Variants in PXT1 observed in about 807,000 individuals in gnomAD.
PXT1 encodes the protein peroxisomal testis enriched protein 1, also known as peroxisomal testis-specific protein 1.
Under a neutral mutation model 11.0 loss-of-function variants are expected in PXT1, and 11 were observed. The ratio of observed to expected loss-of-function variants is 1.00; its 90% CI spans 0.63 to 1.66. The LOEUF is 1.66. Ranked by LOEUF, PXT1 falls within the 40% of genes most tolerant of loss-of-function variation. PXT1 has a pLI of 0.00. For missense variants in PXT1, 141 were observed against 155.5 expected (o/e 0.91, Z 0.49); for synonymous variants, 43 against 51.4 (o/e 0.84, Z 0.70).
chr6:36,427,703 ATTAAT>A (rs1237466850), intron 2 of PXT1, among the ~76,000 whole-genome samples: 2 of 152,158 alleles, frequency 1.3e-5, no homozygotes, highest in African/African-American at 2.4e-5. Context: ...TTACATTCTT[ATTAAT>A]TTAAGTCAAG....
In PXT1 at chr6:36,391,762, C is replaced by T. The variant is rs1184903421; in HGVS notation, c.*8G>A. 2 of 1,592,076 alleles carry T rather than the reference C, an allele frequency of 1.3e-6. No homozygotes were observed. The highest frequency in any genetic ancestry group is 1.7e-6 in the Non-Finnish European group (2 of 1,160,252). ...ACAGAACTTGACCACTTGACCTTTA[C>T]TTTCCTTTTACAGCAAATGGTTGTT... On this transcript the variant is annotated 3_prime_UTR_variant, in exon 5 of 5. Coordinates refer to ENST00000454782, the MANE Select transcript of PXT1 (RefSeq NM_152990.4).
chr6:36,417,462 A>G (rs1175770571), intron 3 of PXT1, among the ~76,000 whole-genome samples: 1 of 151,982 alleles, frequency 6.6e-6, no homozygotes, highest in Non-Finnish European at 1.5e-5. Context: ...ATTAACCAAG[A>G]GATAGCAGCA....
At chr6:36,421,848 T>A (rs1774528901) in intron 3 of PXT1, among the ~76,000 whole-genome samples, 1 of 152,204 alleles carries the variant, frequency 6.6e-6, no homozygotes, top group Non-Finnish European at 1.5e-5. Context: ...TCCTTACTCT[T>A]CTTTTAGAAC....
intron 2 of PXT1, among the ~76,000 whole-genome samples, chr6:36,426,525 C>G (rs905064840): frequency 2.0e-5 from 3 of 151,934 alleles, no homozygotes; most frequent in Non-Finnish European, 4.4e-5. Flanking sequence ...CATGCGCCAC[C>G]ACGCCTGGCT....
Position 36,442,811 on chromosome 6 carries a change from A to C in PXT1, c.-406T>G, listed in dbSNP as rs996288782. 3.9e-5 allele frequency: 6 copies of C among 152,244 alleles called. No homozygotes were observed. Among genetic ancestry groups the C allele is most frequent in the Non-Finnish European group, 7.3e-5 (5 of 68,056 alleles). The allele number at this position is 152,244 out of a possible 1,614,324, so 9.4% of individuals were successfully genotyped here. A position where few individuals can be genotyped will look rare whatever the true frequency, so the allele number is the denominator to read the frequency against. On this transcript the variant is annotated 5_prime_UTR_variant, in exon 1 of 5. Coordinates refer to ENST00000454782, the MANE Select transcript of PXT1 (RefSeq NM_152990.4). Reference sequence around the variant, plus strand: ...CTTTAATAATTGAGAGGGTATGCGCAACTCAGAAAAGTGCGCCCGCTGAGG... The same window carrying C: ...CTTTAATAATTGAGAGGGTATGCGCCACTCAGAAAAGTGCGCCCGCTGAGG...
chr6:36,391,938 C>A, intron 4 of PXT1, 64 bp from the exon 5 acceptor site: 2 of 1,029,628 alleles, frequency 1.9e-6, no homozygotes, highest in African/African-American at 1.6e-5. Context: ...ATAGAATAAT[C>A]CAAAGTTAAA....
intron 2 of PXT1, among the ~76,000 whole-genome samples, chr6:36,429,574 C>T (rs1431134732): frequency 5.1e-5 from 7 of 136,460 alleles, no homozygotes; most frequent in Non-Finnish European, 9.1e-5. Context: ...GGTGCAATCT[C>T]GGTTCACTGC....
chr6:36,393,725 CAA>C (rs33980831), intron 4 of PXT1, among the ~76,000 whole-genome samples: 2 of 142,540 alleles, frequency 1.4e-5, no homozygotes, highest in Non-Finnish European at 1.5e-5. Context: ...GACTATGCCT[CAA>C]AAAAAAAAAA....
rs2127408688 is a variant in PXT1, at chr6:36,392,238, T to C, written c.301-364A>G. On this transcript the variant is annotated intron_variant, in intron 4 of 4. Coordinates refer to ENST00000454782, the MANE Select transcript of PXT1 (RefSeq NM_152990.4). Reference sequence around the variant, plus strand: ...GCAGACAGGGTCTCACTATGTTGCCTTGGCTGGTCTCAACAAACTGGGGCT... The same window carrying C: ...GCAGACAGGGTCTCACTATGTTGCCCTGGCTGGTCTCAACAAACTGGGGCT... Among the ~76,000 whole-genome samples the C allele has an allele frequency of 1.3e-5, 2 of 152,308 alleles. 1 individual carries two copies. The highest frequency in any genetic ancestry group is 6.8e-3 in the Middle Eastern group (2 of 294).
chr6:36,396,769 G>A (rs967191365), intron 4 of PXT1, among the ~76,000 whole-genome samples: 13 of 152,228 alleles, frequency 8.5e-5, no homozygotes, highest in African/African-American at 3.1e-4. Flanking sequence ...TCAGGACAAA[G>A]AGGGTAGAGA....
intron 2 of PXT1, among the ~76,000 whole-genome samples, chr6:36,427,310 CTTG>C (rs1278313386): frequency 4.3e-5 from 6 of 140,040 alleles, no homozygotes; most frequent in Non-Finnish European, 3.0e-5. Flanking sequence ...CGCATTATGA[CTTG>C]TTGTCTTCCT....
intron 3 of PXT1, among the ~76,000 whole-genome samples, chr6:36,406,353 A>G (rs1047726914): frequency 2.0e-5 from 3 of 152,162 alleles, no homozygotes; most frequent in Non-Finnish European, 4.4e-5. Context: ...GACTCAGGAG[A>G]CTAAGGGCAT....
chr6:36,432,468 T>C (rs932547156), intron 2 of PXT1, among the ~76,000 whole-genome samples: 5 of 151,848 alleles, frequency 3.3e-5, no homozygotes, highest in Non-Finnish European at 5.9e-5. Context: ...TGCCTGAAAA[T>C]AGAAAATGGA....
intron 3 of PXT1, among the ~76,000 whole-genome samples, chr6:36,414,928 C>T (rs775292892): frequency 1.3e-5 from 2 of 152,156 alleles, no homozygotes; most frequent in Admixed American, 6.5e-5. Flanking sequence ...TAAATTCAAT[C>T]GCTTTGAAGA....
At chr6:36,428,181 T>G (rs1163758365) in intron 2 of PXT1, among the ~76,000 whole-genome samples, 1 of 152,168 alleles carries the variant, frequency 6.6e-6, no homozygotes, top group East Asian at 1.9e-4. Flanking sequence ...GCGCGGTGGC[T>G]GACGCCTGTA....
At chr6:36,416,174 C>CAAA (rs777709896) in intron 3 of PXT1, among the ~76,000 whole-genome samples, 1 of 138,328 alleles carries the variant, frequency 7.2e-6, no homozygotes, top group Non-Finnish European at 1.6e-5. Context: ...CTGTCTCTAC[C>CAAA]AAAAAGAAAA....
At chr6:36,392,658 C>A (rs1774086020) in intron 4 of PXT1, among the ~76,000 whole-genome samples, 3 of 151,986 alleles carry the variant, frequency 2.0e-5, no homozygotes, top group African/African-American at 7.3e-5. Flanking sequence ...GAGATCCTGT[C>A]TCAATAATAA....
chr6:36,419,093 G>A (rs1467621921), intron 3 of PXT1, among the ~76,000 whole-genome samples: 1 of 152,108 alleles, frequency 6.6e-6, no homozygotes, highest in Admixed American at 6.6e-5. Flanking sequence ...AAACCATTTT[G>A]AAATAACACC....
In PXT1 at chr6:36,400,560, T is replaced by C. The variant is rs1321049249; in HGVS notation, c.194A>G (p.Lys65Arg). 1 of 1,613,726 alleles carries C rather than the reference T, an allele frequency of 6.2e-7. No individual in the cohort carries two copies. Among genetic ancestry groups the C allele is most frequent in the East Asian group, 2.2e-5 (1 of 44,874 alleles). Residue 65 changes from lysine (K) to arginine (R), a missense_variant, in exon 4 of 5, where the codon AAG (lysine) becomes AGG (arginine). By Grantham distance (26) the Lys-to-Arg change is conservative. Coordinates refer to ENST00000454782, the MANE Select transcript of PXT1 (RefSeq NM_152990.4). ...NPDHNLLSQP[K>R]EHSIVQKHHQ... ...ATGCTTCTGAACAATGCTATGCTCC[T>C]TGGGCTGAGAAAGTAGATTATGATC...
Sources: gnomAD v4.1 joint callset for allele counts (sites outside exome capture counted in the v4.1 genomes callset) on GRCh38, gnomAD v4.1.1 for gene constraint, MANE v1.5 for transcripts, NCBI Gene and HGNC (gene_info 2026-07-23, HGNC 2026-07-21) for gene names.